Variants in SMIM3 observed in about 807,000 individuals in gnomAD.
SMIM3 encodes the protein small integral membrane protein 3.
A neutral mutation model predicts 2.1 loss-of-function variants in SMIM3; 4 were observed. The observed-to-expected ratio is 1.89, with a 90% CI of 0.93 to 4.31. The LOEUF is 4.31. Among genes scored for constraint, SMIM3 ranks in the 30% most tolerant of loss-of-function variants. The probability of loss-of-function intolerance (pLI) is 0.01; values close to 1 mark genes in which losing one functional copy is unlikely to be tolerated. For synonymous variants in SMIM3, 29 were observed against 30.8 expected (o/e 0.94, Z 0.19); for missense variants, 79 against 77.7 (o/e 1.02, Z -0.06).
chr5:150,786,942 T>A (rs1753299666), intron 1 of SMIM3, among the ~76,000 whole-genome samples: 1 of 152,220 alleles, frequency 6.6e-6, no homozygotes, highest in Non-Finnish European at 1.5e-5. Flanking sequence ...ATTCCTTAAT[T>A]TAATTTCAGG....
At chr5:150,791,419 C>G (rs1399096555) in intron 1 of SMIM3, among the ~76,000 whole-genome samples, 2 of 152,056 alleles carry the variant, frequency 1.3e-5, no homozygotes, top group East Asian at 3.9e-4. Context: ...CCCCGACCTT[C>G]CAGCCTCTGG....
chr5:150,793,894 G>T (rs1461352429), intron 1 of SMIM3, among the ~76,000 whole-genome samples: 1 of 152,140 alleles, frequency 6.6e-6, no homozygotes, highest in Non-Finnish European at 1.5e-5. Context: ...AACCCACAGA[G>T]TGGAGAAAAT....
At chr5:150,782,583 T>C (rs1417187089) in intron 1 of SMIM3, among the ~76,000 whole-genome samples, 1 of 152,190 alleles carries the variant, frequency 6.6e-6, no homozygotes, top group Non-Finnish European at 1.5e-5. Context: ...CCAGTTCTCT[T>C]CTGCCTGGTA....
chr5:150,786,114 A>T (rs1561723738), intron 1 of SMIM3, among the ~76,000 whole-genome samples: 1 of 150,960 alleles, frequency 6.6e-6, no homozygotes, highest in African/African-American at 2.4e-5. Flanking sequence ...CTTTTTCTGT[A>T]TTTTCCATCC....
chr5:150,784,572 T>G (rs1753270861), intron 1 of SMIM3, among the ~76,000 whole-genome samples: 1 of 152,228 alleles, frequency 6.6e-6, no homozygotes, highest in African/African-American at 2.4e-5. Flanking sequence ...TTTTGGTATC[T>G]TTAGTAATAC....
At position 150,779,001 on chromosome 5, in the gene SMIM3, T is replaced by C. The variant is rs756110980; in HGVS notation, c.-12+29T>C. ...AGTGGGGCCACCGGGGGATTGTTTG[T>C]GGGGCTCTGGCAGAGCGGAGCTCTT... On this transcript the variant is annotated intron_variant, in intron 1 of 1. Transcript: ENST00000526627. The C allele has an allele frequency of 3.1e-5, 15 of 480,272 alleles. No homozygotes were observed. In the East Asian group the frequency reaches 5.9e-4, roughly 19 times the overall value. The allele number at this position is 480,272 out of a possible 1,614,324, so 29.8% of individuals were successfully genotyped here.
At chr5:150,781,853 G>T (rs1430031539) in intron 1 of SMIM3, among the ~76,000 whole-genome samples, 4 of 152,240 alleles carry the variant, frequency 2.6e-5, no homozygotes, top group Admixed American at 2.6e-4. Context: ...AGCAATGATG[G>T]ATAGTAGTGC....
At position 150,796,143 on chromosome 5, in the gene SMIM3, T is replaced by C. The variant is rs967441011; in HGVS notation, c.*520T>C. 6.3e-6 allele frequency: 1 copy of C among 157,858 alleles called. No homozygotes were observed. The highest frequency in any genetic ancestry group is 2.4e-5 in the African/African-American group (1 of 41,462). 9.8% of individuals were successfully genotyped at this position (157,858 alleles called of 1,614,324 possible). On this transcript the variant is annotated 3_prime_UTR_variant, in exon 2 of 2. Transcript: ENST00000526627. ...TGCCATTCCTTCATGTTTTCTCAGTTTGGAGGGTGATGGGTAGAGCTTTCC... is the reference window on the plus strand; with the variant it reads ...TGCCATTCCTTCATGTTTTCTCAGTCTGGAGGGTGATGGGTAGAGCTTTCC...
chr5:150,790,964 C>CA (rs955103390), intron 1 of SMIM3, among the ~76,000 whole-genome samples: 33 of 149,072 alleles, frequency 2.2e-4, no homozygotes, highest in East Asian at 7.8e-4. Context: ...AAGACAAAAA[C>CA]AAAAAAAAAG....
chr5:150,794,446 AG>A (rs1753381510), intron 1 of SMIM3, among the ~76,000 whole-genome samples: 1 of 152,244 alleles, frequency 6.6e-6, no homozygotes, highest in Admixed American at 6.5e-5. Context: ...AAGTGGATAA[AG>A]AAACTGTGAG....
At chr5:150,781,265 T>A (rs1753230260) in intron 1 of SMIM3, among the ~76,000 whole-genome samples, 1 of 152,216 alleles carries the variant, frequency 6.6e-6, no homozygotes, top group Non-Finnish European at 1.5e-5. Flanking sequence ...CAGGGTGACC[T>A]GAGAGAAGTT....
intron 1 of SMIM3, among the ~76,000 whole-genome samples, chr5:150,781,128 G>C (rs1241799724): frequency 6.6e-6 from 1 of 152,230 alleles, no homozygotes; most frequent in East Asian, 1.9e-4. Context: ...ACTCACCCAT[G>C]ATCACACAGA....
In SMIM3 at chr5:150,778,829, G is replaced by A. The variant is rs144716554; in HGVS notation, c.-155G>A. 2.2e-4 allele frequency: 104 copies of A among 476,494 alleles called. 1 individual carries two copies. The highest frequency in any genetic ancestry group is 1.9e-3 in the African/African-American group (95 of 50,554). 29.5% of individuals were successfully genotyped at this position (476,494 alleles called of 1,614,324 possible). The stretch of plus-strand genomic sequence containing the variant: ...CCTCCCGGGGCTCGGAGGAGCCGGG[G>A]CACGTTCCAGGAGCTGCCTAGGGCT... On this transcript the variant is annotated 5_prime_UTR_variant, in exon 1 of 2. Transcript: ENST00000526627.
Position 150,781,166 on chromosome 5 carries a change from C to T in SMIM3, c.-12+2194C>T, listed in dbSNP as rs78151031. On this transcript the variant is annotated intron_variant, in intron 1 of 1. Coordinates refer to ENST00000526627, the MANE Select transcript of SMIM3 (RefSeq NM_032947.5). ...GTAAGTGGCAGAGCTGTAATTTGAA[C>T]GCAGGCACCCTGGCTCCAGGGCCTA... Among the ~76,000 whole-genome samples the T allele has an allele frequency of 4.6e-4, 70 of 152,336 alleles. 1 individual carries two copies. In the East Asian group the frequency reaches 0.011, roughly 25 times the overall value.
intron 1 of SMIM3, among the ~76,000 whole-genome samples, chr5:150,781,018 T>C (rs1204398903): frequency 6.6e-6 from 1 of 152,240 alleles, no homozygotes; most frequent in Non-Finnish European, 1.5e-5. Context: ...CTAAGCATTT[T>C]ACTTGTATTA....
rs575580688 is a variant in SMIM3, at chr5:150,778,780, C to T, written c.-204C>T. The T allele has an allele frequency of 3.0e-5, 14 of 460,420 alleles. No homozygotes were observed. Among genetic ancestry groups the T allele is most frequent in the South Asian group, 1.7e-4 (11 of 63,172 alleles). The allele number at this position is 460,420 out of a possible 1,614,324, so 28.5% of individuals were successfully genotyped here. The stretch of plus-strand genomic sequence containing the variant: ...GCGCATTCCAGAGCCAGCAGCGCGT[C>T]CTGGCCGCTCCTGCGCTCTCCCGCC... On this transcript the variant is annotated 5_prime_UTR_variant, in exon 1 of 2. Coordinates refer to ENST00000526627, the MANE Select transcript of SMIM3 (RefSeq NM_032947.5).
At chr5:150,789,109 T>C (rs1753322464) in intron 1 of SMIM3, among the ~76,000 whole-genome samples, 1 of 152,134 alleles carries the variant, frequency 6.6e-6, no homozygotes, top group Admixed American at 6.5e-5. Context: ...ACATAAATGG[T>C]TTGGGCCATA....
chr5:150,784,202 G>A (rs1263171763), intron 1 of SMIM3, among the ~76,000 whole-genome samples: 1 of 152,112 alleles, frequency 6.6e-6, no homozygotes, highest in East Asian at 1.9e-4. Context: ...ACTTCGTGAA[G>A]CCCTTACTGT....
chr5:150,781,175 C>T (rs1753229404), intron 1 of SMIM3, among the ~76,000 whole-genome samples: 1 of 152,172 alleles, frequency 6.6e-6, no homozygotes, highest in Non-Finnish European at 1.5e-5. Flanking sequence ...ACGCAGGCAC[C>T]CTGGCTCCAG....
Sources: gnomAD v4.1 joint callset for allele counts (sites outside exome capture counted in the v4.1 genomes callset) on GRCh38, gnomAD v4.1.1 for gene constraint, MANE v1.5 for transcripts, NCBI Gene and HGNC (gene_info 2026-07-23, HGNC 2026-07-21) for gene names.